AFF3: variants seen among roughly 807,000 people sequenced by gnomAD.
AFF3 encodes the protein ALF transcription elongation factor 3.
In AFF3, 32 loss-of-function variants were observed where a neutral mutation model predicts 129.7. The ratio of observed to expected loss-of-function variants is 0.25; its 90% CI spans 0.19 to 0.33. The LOEUF (loss-of-function observed/expected upper bound fraction) is 0.33. Among genes scored for constraint, AFF3 ranks in the 10% least tolerant of loss-of-function variants. AFF3 has a pLI of 1.00. For missense variants in AFF3, 1,373 were observed against 1,592.0 expected (o/e 0.86, Z 2.34); for synonymous variants, 644 against 635.4 (o/e 1.01, Z -0.20).
chr2:99,719,050 C>CTTTT (rs554515502), intron 11 of AFF3, among the ~76,000 whole-genome samples: 6 of 108,170 alleles, frequency 5.5e-5, no homozygotes, highest in South Asian at 3.2e-4. Context: ...CGCGCCCGGC[C>CTTTT]TTTTTTTTTT....
At chr2:99,933,879 GGAGGTAGTTAAA>G (rs916292333) in intron 7 of AFF3, among the ~76,000 whole-genome samples, 1 of 152,118 alleles carries the variant, frequency 6.6e-6, no homozygotes, top group African/African-American at 2.4e-5. Flanking sequence ...AATGGTGTCC[GGAGGTAGTTAAA>G]AAGGGAGGGA....
At chr2:99,789,190 T>C (rs571821214) in intron 8 of AFF3, among the ~76,000 whole-genome samples, 1 of 152,296 alleles carries the variant, frequency 6.6e-6, no homozygotes, top group Admixed American at 6.5e-5. Flanking sequence ...ATTCCAACTC[T>C]TTGGGAGGCC....
intron 17 of AFF3, among the ~76,000 whole-genome samples, chr2:99,579,033 T>C (rs994920760): frequency 2.0e-5 from 3 of 152,186 alleles, no homozygotes; most frequent in African/African-American, 7.2e-5. Flanking sequence ...AACCAGTCAC[T>C]CATCTCACAG....
At chr2:99,894,822 G>A (rs1416848349) in intron 7 of AFF3, among the ~76,000 whole-genome samples, 1 of 152,132 alleles carries the variant, frequency 6.6e-6, no homozygotes, top group African/African-American at 2.4e-5. Context: ...ATAGGTGTAT[G>A]CTTTTAGAAA....
At chr2:99,832,538 G>A (rs1688581932) in intron 8 of AFF3, among the ~76,000 whole-genome samples, 1 of 152,246 alleles carries the variant, frequency 6.6e-6, no homozygotes, top group African/African-American at 2.4e-5. Context: ...CCCTTAGCAG[G>A]TAGAAGTGGA....
At chr2:99,860,633 T>C (rs150425113) in intron 7 of AFF3, among the ~76,000 whole-genome samples, 2 of 151,676 alleles carry the variant, frequency 1.3e-5, no homozygotes, top group Admixed American at 6.6e-5. Flanking sequence ...GAGGCTGAGG[T>C]AGGAGAATGG....
intron 14 of AFF3, among the ~76,000 whole-genome samples, chr2:99,596,048 G>A (rs1679254946): frequency 6.6e-6 from 1 of 152,210 alleles, no homozygotes; most frequent in South Asian, 2.1e-4. Flanking sequence ...AGTGCAGGTG[G>A]GGAAGGGGGG....
intron 7 of AFF3, among the ~76,000 whole-genome samples, chr2:100,000,510 G>A (rs1213077302): frequency 7.1e-6 from 1 of 140,966 alleles, no homozygotes; most frequent in Non-Finnish European, 1.5e-5. Flanking sequence ...TCTAGCACGC[G>A]CGCACACACA....
At chr2:99,717,133 G>A (rs763077713) in intron 11 of AFF3, among the ~76,000 whole-genome samples, 4 of 152,140 alleles carry the variant, frequency 2.6e-5, no homozygotes, top group African/African-American at 4.8e-5. Context: ...GTTTATTCAC[G>A]AGTTGATGGA....
chr2:99,661,481 G>A (rs1686226172), intron 12 of AFF3, among the ~76,000 whole-genome samples: 1 of 152,108 alleles, frequency 6.6e-6, no homozygotes, highest in South Asian at 2.1e-4. Context: ...TCATGTTTTG[G>A]TTTTTATATA....
rs917738472 is a variant in AFF3 at position 99,792,419 on chromosome 2, C to A, written c.922-40118G>T. Among the ~76,000 whole-genome samples, 3 of 152,066 alleles carry A rather than the reference C, an allele frequency of 2.0e-5. 1 individual carries two copies. Among genetic ancestry groups the A allele is most frequent in the Non-Finnish European group, 4.4e-5 (3 of 68,026 alleles). ...CCCAGGAGATTGAGGTTACAGTGAGCCGTGATTGAGCTGCTGCACTCCAAC... is the reference window on the plus strand; with the variant it reads ...CCCAGGAGATTGAGGTTACAGTGAGACGTGATTGAGCTGCTGCACTCCAAC... On this transcript the variant is annotated intron_variant, in intron 8 of 24. Transcript: ENST00000672756.
chr2:99,993,855 G>A (rs1680591602), intron 7 of AFF3, among the ~76,000 whole-genome samples: 1 of 137,400 alleles, frequency 7.3e-6, no homozygotes, highest in Admixed American at 7.8e-5. Context: ...GCCCAGGCTG[G>A]AGTGCAATGG....
In AFF3 at chr2:99,979,384, T is replaced by C. The variant is rs536865463; in HGVS notation, c.873+27248A>G. 6.1e-4 allele frequency among the ~76,000 whole-genome samples: 93 copies of C among 152,262 alleles called. 1 individual carries two copies. The highest frequency in any genetic ancestry group is 2.2e-3 in the African/African-American group (92 of 41,550). ...AGCTATGGCTCTGAGGCTGAGAATA[T>C]TTAGATTCAAGGAGAAGTCTCATAA... is the stretch of plus-strand genomic sequence containing the variant. On this transcript the variant is annotated intron_variant, in intron 7 of 24. Coordinates refer to ENST00000672756, the MANE Select transcript of AFF3 (RefSeq NM_001386135.1).
intron 7 of AFF3, among the ~76,000 whole-genome samples, chr2:99,995,399 G>A (rs1355620385): frequency 6.6e-6 from 1 of 151,180 alleles, no homozygotes; most frequent in Non-Finnish European, 1.5e-5. Flanking sequence ...TTGAGACGGA[G>A]TCTTGCTCTG....
rs35309181 is a variant in AFF3 at position 99,752,262 on chromosome 2, G to A, written c.961C>T (p.Pro321Ser). 100 of 1,614,010 alleles carry A rather than the reference G, an allele frequency of 6.2e-5. No individual in the cohort carries two copies. The African/African-American group carries it at 1.2e-3, about 19-fold the overall frequency. The change falls in exon 9 of 25, where the codon CCT becomes TCT. Residue 321 changes from proline (P) to serine (S), a missense_variant. Coordinates refer to ENST00000672756, the MANE Select transcript of AFF3 (RefSeq NM_001386135.1). ...AATTTGGTTGGTTCCACTTTGCCAG[G>A]TGCTTGAATAGCAGAAAGTGGTGGA... Reference protein sequence around the residue: ...WLPPLSAIQAPGKVEPTKFPF... With the variant: ...WLPPLSAIQASGKVEPTKFPF...
At chr2:99,723,161 T>C (rs189454552) in intron 11 of AFF3, among the ~76,000 whole-genome samples, 2 of 152,362 alleles carry the variant, frequency 1.3e-5, no homozygotes, top group African/African-American at 4.8e-5. Context: ...CTTTTGTGTG[T>C]GCACGCATGT....
intron 7 of AFF3, among the ~76,000 whole-genome samples, chr2:99,932,128 C>G (rs536422566): frequency 6.6e-6 from 1 of 152,146 alleles, no homozygotes; most frequent in Non-Finnish European, 1.5e-5. Flanking sequence ...AGCCCATGGA[C>G]GCATGCAGGC....
At chr2:100,049,421 G>T (rs1272230770) in intron 4 of AFF3, among the ~76,000 whole-genome samples, 3 of 152,192 alleles carry the variant, frequency 2.0e-5, no homozygotes, top group African/African-American at 7.2e-5. Context: ...GATTCAAAAT[G>T]AGGCTAATGA....
intron 2 of AFF3, among the ~76,000 whole-genome samples, chr2:100,113,760 A>G (rs1691616700): frequency 6.6e-6 from 1 of 152,214 alleles, no homozygotes; most frequent in Admixed American, 6.5e-5. Context: ...GTGAGGAGGC[A>G]GTGATGGAAG....
Sources: allele counts gnomAD v4.1 joint callset (sites outside exome capture counted in the v4.1 genomes callset), GRCh38; gene constraint gnomAD v4.1.1; transcripts MANE v1.5; gene names NCBI Gene and HGNC (gene_info 2026-07-23, HGNC 2026-07-21).